Variants in MEF2C observed in about 807,000 individuals in gnomAD.
MEF2C encodes myocyte enhancer factor 2C, also known as myocyte-specific enhancer factor 2C.
MEF2C carries 6 observed loss-of-function variants against 50.5 expected under a neutral mutation model. The ratio of observed to expected loss-of-function variants is 0.12; its 90% CI spans 0.07 to 0.23. The LOEUF is 0.23. MEF2C is among the 10% of genes least tolerant of loss of function. The pLI, the probability that MEF2C is intolerant of heterozygous loss-of-function variation, is 1.00. For missense variants in MEF2C, 276 were observed against 605.0 expected, an observed-to-expected ratio of 0.46 and a Z score of 5.70; for synonymous variants, 183 against 228.0, an observed-to-expected ratio of 0.80 and a Z score of 1.78.
intron 3 of MEF2C, among the ~76,000 whole-genome samples, chr5:88,764,600 G>A (rs914017664): frequency 6.6e-6 from 1 of 152,044 alleles, no homozygotes; most frequent in East Asian, 1.9e-4. Flanking sequence ...ACGAGGTCAG[G>A]AGTTTGAGCC....
intron 2 of MEF2C, among the ~76,000 whole-genome samples, chr5:88,814,914 G>T (rs1244116485): frequency 6.6e-6 from 1 of 152,052 alleles, no homozygotes; most frequent in Non-Finnish European, 1.5e-5. Context: ...TTTTACTGTG[G>T]CCCATTTTAA....
At chr5:88,780,347 C>T (rs1787318438) in intron 3 of MEF2C, among the ~76,000 whole-genome samples, 1 of 152,094 alleles carries the variant, frequency 6.6e-6, no homozygotes, top group Non-Finnish European at 1.5e-5. Context: ...ATTTGTTGTA[C>T]CTCCTATCAG....
Position 88,728,578 on chromosome 5 carries a change from C to G in MEF2C, c.1015G>C (p.Ala339Pro). The change falls in exon 10 of 11, where the codon GCC becomes CCC. Residue 339 changes from alanine to proline, a missense_variant. Coordinates refer to ENST00000504921, the MANE Select transcript of MEF2C (RefSeq NM_002397.5). ...ACTGAACCAAGGTGAAGAGCGCTGG[C>G]GGTGTTAAACCCAGACAGAGATGAC... is the stretch of plus-strand genomic sequence containing the variant. ...DLSSLSGFNT[A>P]SALHLGSVTG... 2.0e-6 allele frequency: 3 copies of G among 1,531,430 alleles called. No individual in the cohort carries two copies. Among genetic ancestry groups the G allele is most frequent in the Non-Finnish European group, 2.6e-6 (3 of 1,135,464 alleles). 94.9% of individuals were successfully genotyped at this position (1,531,430 alleles called of 1,614,324 possible). A position where few individuals can be genotyped will look rare whatever the true frequency, so the allele number is the denominator to read the frequency against.
At chr5:88,737,535 G>A (rs895843668) in intron 6 of MEF2C, 18 of 985,232 alleles carry the variant, frequency 1.8e-5, no homozygotes, top group Non-Finnish European at 2.2e-5. Context: ...TTATATCAAG[G>A]TAAATCTCAA....
At chr5:88,843,902 T>C (rs999384734) in intron 1 of MEF2C, among the ~76,000 whole-genome samples, 3 of 151,076 alleles carry the variant, frequency 2.0e-5, no homozygotes, top group Admixed American at 6.6e-5. Context: ...CTCTGCCTCC[T>C]GGGTTCAAGC....
chr5:88,874,987 T>C (rs184495706), intron 1 of MEF2C, among the ~76,000 whole-genome samples: 1 of 152,084 alleles, frequency 6.6e-6, no homozygotes, highest in African/African-American at 2.4e-5. Flanking sequence ...AAATGAGAAT[T>C]CTACTGATTG....
intron 1 of MEF2C, among the ~76,000 whole-genome samples, chr5:88,897,943 A>G (rs972813002): frequency 5.3e-5 from 8 of 152,148 alleles, no homozygotes; most frequent in African/African-American, 1.9e-4. Context: ...CATGGGCCCC[A>G]CCTCAGGCCC....
chr5:88,733,890 A>G lies in MEF2C; in HGVS notation c.638-1989T>C, dbSNP rs111560432. 6.1e-4 allele frequency: 599 copies of G among 985,432 alleles called. 2 individuals are homozygous for G. In the African/African-American group the frequency reaches 1.0e-2, roughly 16 times the overall value. 61.0% of individuals were successfully genotyped at this position (985,432 alleles called of 1,614,324 possible). ...GAATATCAATTCCCTTCTATAAGAA[A>G]ACTTCTGGAATATTAGCCAAATTCT... On this transcript the variant is annotated intron_variant, in intron 6 of 10. Coordinates refer to ENST00000504921, the MANE Select transcript of MEF2C (RefSeq NM_002397.5).
chr5:88,888,637 G>T (rs181001069), intron 1 of MEF2C, among the ~76,000 whole-genome samples: 1 of 151,154 alleles, frequency 6.6e-6, no homozygotes, highest in East Asian at 2.0e-4. Context: ...TATTAAGTGA[G>T]AATCATAATA....
Position 88,728,575 on chromosome 5 carries a change from T to G in MEF2C, c.1018A>C (p.Ser340Arg). The change falls in exon 10 of 11, where the codon AGC becomes CGC. Residue 340 changes from serine to arginine, a missense_variant. Physicochemically the swap from Ser to Arg is moderately radical, Grantham distance 110. Coordinates refer to ENST00000504921, the MANE Select transcript of MEF2C (RefSeq NM_002397.5). ...GTTACTGAACCAAGGTGAAGAGCGC[T>G]GGCGGTGTTAAACCCAGACAGAGAT... ...LSSLSGFNTA[S>R]ALHLGSVTGW... 1 of 1,533,456 alleles carries G rather than the reference T, an allele frequency of 6.5e-7. No individual in the cohort carries two copies. The highest frequency in any genetic ancestry group is 8.8e-7 in the Non-Finnish European group (1 of 1,136,610). The allele number at this position is 1,533,456 out of a possible 1,614,324, so 95.0% of individuals were successfully genotyped here.
chr5:88,883,604 A>C (rs1383917592), upstream of MEF2C: 1 of 151,920 alleles, frequency 6.6e-6, no homozygotes, highest in Non-Finnish European at 1.5e-5. Context: ...CGTCCGATGA[A>C]ATGTCTTTTG....
intron 1 of MEF2C, among the ~76,000 whole-genome samples, chr5:88,857,229 T>C (rs1193308313): frequency 6.6e-6 from 1 of 152,262 alleles, no homozygotes; most frequent in African/African-American, 2.4e-5. Flanking sequence ...TTGGGGCCTG[T>C]AGCCCCTTTG....
rs573576407 is a variant in MEF2C, at chr5:88,724,461, G to T, written c.1101-1536C>A. Among the ~76,000 whole-genome samples the T allele has an allele frequency of 1.3e-4, 20 of 152,184 alleles. No homozygotes were observed. The East Asian group carries it at 3.5e-3, about 26-fold the overall frequency. ...TAATAAATAGATGAGCTAATGTAGA[G>T]AATAATATAAAGGAGAATTATTTGT... On this transcript the variant is annotated intron_variant, in intron 10 of 10. Coordinates refer to ENST00000504921, the MANE Select transcript of MEF2C (RefSeq NM_002397.5).
intron 10 of MEF2C, among the ~76,000 whole-genome samples, chr5:88,725,026 T>C (rs2152099456): frequency 6.6e-6 from 1 of 152,180 alleles, no homozygotes; most frequent in South Asian, 2.1e-4. Context: ...AATTGGTGAG[T>C]TGGACAGTCT....
In MEF2C at chr5:88,760,405, C is replaced by G; in HGVS notation, c.402+780G>C. ...ATAAAGCTTTAAAATCACCCCAGCACACAAACATGTTGAAATCTTACCATT... is the reference window on the plus strand; with the variant it reads ...ATAAAGCTTTAAAATCACCCCAGCAGACAAACATGTTGAAATCTTACCATT... On this transcript the variant is annotated intron_variant, in intron 4 of 10. Transcript: ENST00000504921. 1.3e-5 allele frequency among the ~76,000 whole-genome samples: 2 copies of G among 152,226 alleles called. 1 individual carries two copies. The highest frequency in any genetic ancestry group is 4.8e-5 in the African/African-American group (2 of 41,460).
chr5:88,830,685 G>A (rs780036001), intron 1 of MEF2C, among the ~76,000 whole-genome samples: 1 of 152,008 alleles, frequency 6.6e-6, no homozygotes, highest in Non-Finnish European at 1.5e-5. Flanking sequence ...ATCATATTAG[G>A]TAATTAATTC....
intron 1 of MEF2C, among the ~76,000 whole-genome samples, chr5:88,824,532 A>T (rs989583334): frequency 6.6e-5 from 10 of 151,962 alleles, no homozygotes; most frequent in African/African-American, 2.2e-4. Flanking sequence ...TGGAATATTT[A>T]ATCTTAGATT....
intron 10 of MEF2C, among the ~76,000 whole-genome samples, chr5:88,725,132 C>T (rs930242487): frequency 3.3e-5 from 5 of 152,080 alleles, no homozygotes; most frequent in Non-Finnish European, 5.9e-5. Flanking sequence ...CACCTCTTTG[C>T]ATCATCTTCC....
At chr5:88,776,336 T>C (rs1203733383) in intron 3 of MEF2C, among the ~76,000 whole-genome samples, 1 of 152,214 alleles carries the variant, frequency 6.6e-6, no homozygotes, top group Non-Finnish European at 1.5e-5. Context: ...ACCTCTCTTA[T>C]TTTTTATGGT....
Sources: gnomAD v4.1 joint callset for allele counts (sites outside exome capture counted in the v4.1 genomes callset) on GRCh38, gnomAD v4.1.1 for gene constraint, MANE v1.5 for transcripts, NCBI Gene and HGNC (gene_info 2026-07-23, HGNC 2026-07-21) for gene names.